The following IQSEC3 variants were observed in gnomAD, a reference collection of about 807,000 sequenced individuals.
IQSEC3 encodes IQ motif and Sec7 domain ArfGEF 3.
IQSEC3 carries 50 observed loss-of-function variants against 105.4 expected under a neutral mutation model. That is an observed-to-expected ratio of 0.47 (90% CI 0.38 to 0.60). The LOEUF (loss-of-function observed/expected upper bound fraction) is 0.60. Among genes scored for constraint, IQSEC3 ranks in the 20% least tolerant of loss-of-function variants. IQSEC3 has a pLI of 0.00. For missense variants in IQSEC3, 1,415 were observed against 1,630.0 expected (o/e 0.87, Z 2.27); for synonymous variants, 708 against 746.0 (o/e 0.95, Z 0.83).
intron 2 of IQSEC3, among the ~76,000 whole-genome samples, chr12:103,661 G>A (rs1387653827): frequency 3.8e-5 from 2 of 52,286 alleles, no homozygotes; most frequent in African/African-American, 2.4e-4. Context: ...GAGAGGTGGA[G>A]TTCGGTGGGG....
chr12:102,160 T>C (rs1466356036), intron 2 of IQSEC3, among the ~76,000 whole-genome samples: 1 of 109,194 alleles, frequency 9.2e-6, no homozygotes, highest in Admixed American at 1.0e-4. Flanking sequence ...TCAGTCTGGC[T>C]CCTCCCCGTC....
intron 5 of IQSEC3, among the ~76,000 whole-genome samples, chr12:149,769 C>A (rs971881534): frequency 6.6e-6 from 1 of 152,134 alleles, no homozygotes; most frequent in African/African-American, 2.4e-5. Flanking sequence ...AAACAGAGAC[C>A]TGCAGGGTTG....
At chr12:126,108 G>T (rs777106794) in intron 3 of IQSEC3, among the ~76,000 whole-genome samples, 196 bp downstream of exon 3, 15 of 152,242 alleles carry the variant, frequency 9.9e-5, no homozygotes, top group Non-Finnish European at 1.3e-4. Context: ...TACCATGGCA[G>T]GGCTCATACC....
chr12:171,208 T>A, intron 13 of IQSEC3, 47 bp downstream of exon 13: 1 of 1,613,864 alleles, frequency 6.2e-7, no homozygotes, highest in Non-Finnish European at 8.5e-7. Flanking sequence ...CCTGCCCCCT[T>A]GTTCTTCTTC....
rs1470400699 is a variant in IQSEC3, at chr12:171,515, C to G, written c.3114+354C>G. On this transcript the variant is annotated intron_variant, in intron 13 of 13. Coordinates refer to ENST00000538872, the MANE Select transcript of IQSEC3 (RefSeq NM_001170738.2). ...AAATGCTCACTGCTCACTGCTCCCC[C>G]AGTACTTGCTGTATCAGAAGACCCC... is the stretch of plus-strand genomic sequence containing the variant. 3.1e-5 allele frequency: 19 copies of G among 606,378 alleles called. 1 individual carries two copies. The South Asian group carries it at 3.6e-4, about 11-fold the overall frequency. The allele number at this position is 606,378 out of a possible 1,614,324, so 37.6% of individuals were successfully genotyped here.
Position 163,501 on chromosome 12 carries a change from C to G in IQSEC3, c.2591C>G (p.Ser864Cys). The change falls in exon 9 of 14, where the codon TCC (serine) becomes TGC (cysteine). Residue 864 changes from serine (S) to cysteine (C), a missense_variant. Ser to Cys is a moderately radical substitution (Grantham distance 112, BLOSUM62 -1). This residue lies in a region of IQSEC3 where 419 missense variants were observed against 436.2 expected (regional missense o/e 0.96). Transcript: ENST00000538872. ...CGCCCTGCCCGCGTGCAGGTGCTGT[C>G]CGTGCCCCACCGCCGCCTGGTGTGC... is the stretch of plus-strand genomic sequence containing the variant. ...KSIVGMKTVLSVPHRRLVCCS... is the reference protein window; with the variant it reads ...KSIVGMKTVLCVPHRRLVCCS... 1.2e-6 allele frequency: 2 copies of G among 1,608,214 alleles called. No individual in the cohort carries two copies. The highest frequency in any genetic ancestry group is 1.1e-5 in the South Asian group (1 of 90,774).
At chr12:136,714 G>A (rs1555086498) in intron 3 of IQSEC3, among the ~76,000 whole-genome samples, 1 of 152,132 alleles carries the variant, frequency 6.6e-6, no homozygotes, top group African/African-American at 2.4e-5. Flanking sequence ...ACGTGTAAGT[G>A]GCATGTCTGG....
rs1867140355 is a variant in IQSEC3, at chr12:165,732, A to T, written c.2813A>T (p.Tyr938Phe). ...GGGCCTGGGGTCTGCTTTCCAGATT[A>T]CTCTCATGGCATCACACTGGTGACC... ...MQFQLFENEY[Y>F]SHGITLVTPL... is the part of the protein sequence containing the mutation. The change falls in exon 11 of 14, where the codon TAC becomes TTC. Residue 938 changes from tyrosine (Y) to phenylalanine (F), a missense_variant. This residue lies in a region of IQSEC3 where 419 missense variants were observed against 436.2 expected (regional missense o/e 0.96). Coordinates refer to ENST00000538872, the MANE Select transcript of IQSEC3 (RefSeq NM_001170738.2). The T allele has an allele frequency of 1.2e-6, 2 of 1,613,220 alleles. No homozygotes were observed. The highest frequency in any genetic ancestry group is 2.7e-5 in the African/African-American group (2 of 74,822).
chr12:158,815 C>T (rs970444001), intron 7 of IQSEC3, among the ~76,000 whole-genome samples: 3 of 152,298 alleles, frequency 2.0e-5, no homozygotes, highest in Non-Finnish European at 2.9e-5. Context: ...TGCACCACCA[C>T]ACCCAGCTAA....
chr12:175,122 TG>T lies in IQSEC3; in HGVS notation c.*90del. 1 of 1,020,270 alleles carries T rather than the reference TG, an allele frequency of 9.8e-7. No homozygotes were observed. Among genetic ancestry groups the T allele is most frequent in the Non-Finnish European group, 1.4e-6 (1 of 722,820 alleles). 63.2% of individuals were successfully genotyped at this position (1,020,270 alleles called of 1,614,324 possible). On this transcript the variant is annotated 3_prime_UTR_variant, in exon 14 of 14. Transcript: ENST00000538872. ...CACTGCTCCCCATACCCTGGCACGA[TG>T]CGTTCCTGGTCACTGATCACCATCA...
chr12:172,457 A>T (rs1939057710), intron 13 of IQSEC3, among the ~76,000 whole-genome samples: 1 of 152,032 alleles, frequency 6.6e-6, no homozygotes, highest in Non-Finnish European at 1.5e-5. Flanking sequence ...CTACCCAGGG[A>T]GGACAACCAA....
chr12:104,756 G>A (rs1287284881), intron 2 of IQSEC3, among the ~76,000 whole-genome samples: 10 of 152,236 alleles, frequency 6.6e-5, no homozygotes, highest in Admixed American at 6.5e-4. Flanking sequence ...AGGACGGGGC[G>A]CGCTTCCGAG....
In IQSEC3 at chr12:141,182, A is replaced by T. The variant is rs782751138; in HGVS notation, c.2050A>T (p.Ile684Phe). ...ISRGFIPDTP[I>F]GVAHFLLQRK... Reference sequence around the variant, plus strand: ...ACGCGGCTTCATCCCGGACACCCCCATCGGTGTGGCCCATTTCCTCCTCCA... The same window carrying T: ...ACGCGGCTTCATCCCGGACACCCCCTTCGGTGTGGCCCATTTCCTCCTCCA... Residue 684 changes from isoleucine (I) to phenylalanine (F), a missense_variant, in exon 5 of 14, where the codon ATC becomes TTC. This residue lies in a region of IQSEC3 where 213 missense variants were observed against 306.2 expected (regional missense o/e 0.70). Transcript: ENST00000538872. 1 of 1,569,596 alleles carries T rather than the reference A, an allele frequency of 6.4e-7. No homozygotes were observed. The highest frequency in any genetic ancestry group is 8.6e-7 in the Non-Finnish European group (1 of 1,161,298).
intron 9 of IQSEC3, 41 bp downstream of exon 9, chr12:163,660 G>A: frequency 8.8e-7 from 1 of 1,140,452 alleles, no homozygotes; most frequent in Non-Finnish European, 1.3e-6. Flanking sequence ...GGCTGGGGCT[G>A]CCTCTGCCGC....
chr12:134,924 C>A (rs1865711868), intron 3 of IQSEC3, among the ~76,000 whole-genome samples: 1 of 152,054 alleles, frequency 6.6e-6, no homozygotes, highest in Non-Finnish European at 1.5e-5. Flanking sequence ...ACCAGGAGTT[C>A]AAGTCCAGCC....
Position 94,276 on chromosome 12 carries a change from T to G in IQSEC3, c.555-4870T>G, listed in dbSNP as rs74057735. Reference sequence around the variant, plus strand: ...CTTTGAAGAAGAGTTGTGGGCATGATCCTTGACAGGAGCCTGCCTGGGGTT... The same window carrying G: ...CTTTGAAGAAGAGTTGTGGGCATGAGCCTTGACAGGAGCCTGCCTGGGGTT... On this transcript the variant is annotated intron_variant, in intron 1 of 13. Coordinates refer to ENST00000538872, the MANE Select transcript of IQSEC3 (RefSeq NM_001170738.2). 8.7e-3 allele frequency among the ~76,000 whole-genome samples: 1,320 copies of G among 152,316 alleles called. 15 individuals are homozygous for G. The highest frequency in any genetic ancestry group is 0.031 in the African/African-American group (1,283 of 41,562).
rs1175991897 is a variant in IQSEC3 at position 177,453 on chromosome 12, C to G, written c.*2420C>G. On this transcript the variant is annotated 3_prime_UTR_variant, in exon 14 of 14. Coordinates refer to ENST00000538872, the MANE Select transcript of IQSEC3 (RefSeq NM_001170738.2). This position sits in a 1 kb window ranked among gnomAD's most constrained non-coding sequence, Gnocchi z 5.3. ...CGCATCTGGGCCTCTAGCTGAGAAC[C>G]CGGACTCTCAGGCACCTCAGTGCCC... 1 of 152,260 alleles carries G rather than the reference C, an allele frequency of 6.6e-6. No individual in the cohort carries two copies. Among genetic ancestry groups the G allele is most frequent in the African/African-American group, 2.4e-5 (1 of 41,454 alleles). The allele number at this position is 152,260 out of a possible 1,614,324, so 9.4% of individuals were successfully genotyped here.
chr12:174,855 C>A lies in IQSEC3; in HGVS notation c.3371C>A (p.Ser1124Ter), dbSNP rs373610753. The A allele has an allele frequency of 6.3e-7, 1 of 1,579,466 alleles. No homozygotes were observed. Among genetic ancestry groups the A allele is most frequent in the Non-Finnish European group, 8.5e-7 (1 of 1,171,388 alleles). ...LSQALSCYTSSSSDSCGSTPL... is the reference protein window; with the variant it reads ...LSQALSCYTS ...CAGGCTCTCTCCTGCTACACCTCGT[C>A]GTCCTCTGACTCCTGCGGCTCCACA... The change falls in exon 14 of 14, where the codon TCG (serine) becomes TAG (stop). Residue 1124 changes from serine to a stop codon, truncating the protein, a stop_gained. Transcript: ENST00000538872. LOFTEE classifies it high-confidence loss of function.
At chr12:95,047 T>C (rs1480868263) in intron 1 of IQSEC3, among the ~76,000 whole-genome samples, 1 of 152,170 alleles carries the variant, frequency 6.6e-6, no homozygotes, top group Non-Finnish European at 1.5e-5. Flanking sequence ...CTGCTCCATC[T>C]CCTCATTCCA....
Sources: allele counts gnomAD v4.1 joint callset (sites outside exome capture counted in the v4.1 genomes callset), GRCh38; gene constraint gnomAD v4.1.1; regional missense constraint gnomAD v4.1.1; non-coding constraint Gnocchi (gnomAD v3.1); transcripts MANE v1.5; gene names NCBI Gene and HGNC (gene_info 2026-07-23, HGNC 2026-07-21).